Variants in STX17 observed in about 807,000 individuals in gnomAD.
The protein encoded by STX17 is syntaxin 17.
STX17 carries 29 observed loss-of-function variants against 35.9 expected under a neutral mutation model. The ratio of observed to expected loss-of-function variants is 0.81; its 90% CI spans 0.60 to 1.10. The LOEUF is 1.10. Ranked by LOEUF, STX17 falls within the 50% of genes least tolerant of loss-of-function variation. The probability of loss-of-function intolerance (pLI) is 0.00; values close to 1 mark genes in which losing one functional copy is unlikely to be tolerated. For synonymous variants in STX17, 92 were observed against 118.3 expected, an observed-to-expected ratio of 0.78 and a Z score of 1.44; for missense variants, 312 against 352.3, an observed-to-expected ratio of 0.89 and a Z score of 0.92.
At chr9:99,946,350 C>G (rs1829482636) in intron 3 of STX17, among the ~76,000 whole-genome samples, 2 of 152,088 alleles carry the variant, frequency 1.3e-5, no homozygotes, top group African/African-American at 4.8e-5. Context: ...TCCATGGATA[C>G]CAAGGAATAA....
chr9:99,929,061 T>G, intron 3 of STX17: 1 of 442,446 alleles, frequency 2.3e-6, no homozygotes, highest in East Asian at 3.7e-5. Flanking sequence ...ATACACAGAC[T>G]TATACTCTCA....
chr9:99,960,164 A>T lies in STX17; in HGVS notation c.582+9A>T. The T allele has an allele frequency of 6.2e-7, 1 of 1,613,018 alleles. No homozygotes were observed. Among genetic ancestry groups the T allele is most frequent in the Non-Finnish European group, 8.5e-7 (1 of 1,179,448 alleles). Reference sequence around the variant, plus strand: ...TCTCTCTCCTAGTGAATGTAAGTATATAACTGTTTTGGATGCAGAATTGTT... The same window carrying T: ...TCTCTCTCCTAGTGAATGTAAGTATTTAACTGTTTTGGATGCAGAATTGTT... On this transcript the variant is annotated intron_variant, in intron 6 of 7. Transcript: ENST00000259400.
chr9:99,965,904 T>G (rs1379514032), intron 6 of STX17, among the ~76,000 whole-genome samples: 1 of 152,210 alleles, frequency 6.6e-6, no homozygotes, highest in African/African-American at 2.4e-5. Context: ...AAGGTATAAG[T>G]ATCACTATTC....
At chr9:99,957,560 G>C (rs1478016025) in intron 4 of STX17, among the ~76,000 whole-genome samples, 4 of 151,912 alleles carry the variant, frequency 2.6e-5, no homozygotes, top group Admixed American at 1.3e-4. Flanking sequence ...CATTTCTACT[G>C]TAACTATCCT....
chr9:99,956,355 A>G (rs1474972844), intron 4 of STX17, among the ~76,000 whole-genome samples: 1 of 152,116 alleles, frequency 6.6e-6, no homozygotes, highest in Non-Finnish European at 1.5e-5. Flanking sequence ...ATCCTCTTTA[A>G]TAGTACATAA....
chr9:99,931,142 A>T (rs953288015), intron 3 of STX17, among the ~76,000 whole-genome samples: 1 of 151,994 alleles, frequency 6.6e-6, no homozygotes, highest in Admixed American at 6.6e-5. Flanking sequence ...CACCATGCCC[A>T]GCTAATTTTT....
At chr9:99,931,016 G>T (rs184307189) in intron 3 of STX17, among the ~76,000 whole-genome samples, 1 of 151,780 alleles carries the variant, frequency 6.6e-6, no homozygotes, top group Non-Finnish European at 1.5e-5. Context: ...TCGCTCTTTC[G>T]CCCAGGCTGG....
At chr9:99,920,120 A>G (rs991020643) in intron 2 of STX17, among the ~76,000 whole-genome samples, 1 of 152,206 alleles carries the variant, frequency 6.6e-6, no homozygotes, top group African/African-American at 2.4e-5. Flanking sequence ...GCCTCAGCAC[A>G]GGTGGTGAAT....
chr9:99,924,205 C>T (rs4428721), intron 2 of STX17, among the ~76,000 whole-genome samples: 40,418 of 152,026 alleles, frequency 0.27, 6,209 homozygotes, highest in Non-Finnish European at 0.35. Context: ...TCTTATGACC[C>T]ACAATCAGTT....
intron 3 of STX17, among the ~76,000 whole-genome samples, chr9:99,929,504 G>A (rs1324288358): frequency 4.0e-5 from 6 of 151,812 alleles, no homozygotes; most frequent in Non-Finnish European, 8.8e-5. Flanking sequence ...CTCCTACTTG[G>A]AAGAAACCAT....
intron 2 of STX17, among the ~76,000 whole-genome samples, chr9:99,925,581 T>C (rs1828971385): frequency 1.3e-5 from 2 of 152,070 alleles, no homozygotes; most frequent in African/African-American, 2.4e-5. Flanking sequence ...TGTTTAAAAA[T>C]ATCTTTATTT....
intron 6 of STX17, among the ~76,000 whole-genome samples, chr9:99,960,426 C>G (rs576758555): frequency 5.9e-4 from 89 of 151,494 alleles, no homozygotes; most frequent in African/African-American, 2.0e-3. Flanking sequence ...CATTCTCTGC[C>G]TTTGAAGATT....
intron 2 of STX17, 70 bp from the exon 3 acceptor site, chr9:99,928,708 T>A: frequency 7.1e-7 from 1 of 1,404,006 alleles, no homozygotes. Context: ...TGAGTGGGGA[T>A]TTTTGTGGTA....
chr9:99,939,098 C>G (rs772031415), intron 3 of STX17, among the ~76,000 whole-genome samples: 1 of 151,968 alleles, frequency 6.6e-6, no homozygotes, highest in Admixed American at 6.6e-5. Flanking sequence ...ACATAGAACA[C>G]TTGAGCTATC....
Position 99,970,635 on chromosome 9 carries a change from A to T in STX17, c.*1962A>T, listed in dbSNP as rs1830001821. On this transcript the variant is annotated 3_prime_UTR_variant, in exon 8 of 8. Coordinates refer to ENST00000259400, the MANE Select transcript of STX17 (RefSeq NM_017919.3). ...AATTCTGACATCACCCGTCCAGCATAGTCAGCTGAAATTATAAATCTAAGA... is the reference window on the plus strand; with the variant it reads ...AATTCTGACATCACCCGTCCAGCATTGTCAGCTGAAATTATAAATCTAAGA... 1.3e-5 allele frequency among the ~76,000 whole-genome samples: 2 copies of T among 152,226 alleles called. No homozygotes were observed. Among genetic ancestry groups the T allele is most frequent in the South Asian group, 4.1e-4 (2 of 4,832 alleles).
intron 3 of STX17, among the ~76,000 whole-genome samples, chr9:99,931,756 A>G (rs892398020): frequency 5.9e-5 from 9 of 152,140 alleles, no homozygotes; most frequent in African/African-American, 1.7e-4. Context: ...TCTGTTTTCT[A>G]AAAGATTTCC....
chr9:99,958,991 T>C (rs1358585228), intron 4 of STX17, among the ~76,000 whole-genome samples: 1 of 152,228 alleles, frequency 6.6e-6, no homozygotes, highest in Non-Finnish European at 1.5e-5. Context: ...TTATTACCAA[T>C]AGTGACTGAT....
intron 3 of STX17, 92 bp from the exon 4 acceptor site, chr9:99,950,968 A>G: frequency 8.7e-7 from 1 of 1,151,394 alleles, no homozygotes; most frequent in South Asian, 1.6e-5. Flanking sequence ...ATTTGTTATA[A>G]TTTCCATCCA....
rs895322346 is a variant in STX17, at chr9:99,906,656, T to G, written c.-113T>G. On this transcript the variant is annotated 5_prime_UTR_variant, in exon 1 of 8. Coordinates refer to ENST00000259400, the MANE Select transcript of STX17 (RefSeq NM_017919.3). ...CCCTCGTGATGCCCCGCCCCGTCGC[T>G]CCTGCGCCTGCGCCGTGCCCACCGA... The G allele has an allele frequency of 4.6e-5, 7 of 151,002 alleles. No individual in the cohort carries two copies. The highest frequency in any genetic ancestry group is 8.9e-5 in the Non-Finnish European group (6 of 67,736). 9.4% of individuals were successfully genotyped at this position (151,002 alleles called of 1,614,324 possible).
Sources: gnomAD v4.1 joint callset for allele counts (sites outside exome capture counted in the v4.1 genomes callset) on GRCh38, gnomAD v4.1.1 for gene constraint, MANE v1.5 for transcripts, NCBI Gene and HGNC (gene_info 2026-07-23, HGNC 2026-07-21) for gene names.